STIL: variants seen among roughly 807,000 people sequenced by gnomAD.
The protein encoded by STIL is SCL-interrupting locus protein.
A neutral mutation model predicts 110.1 loss-of-function variants in STIL; 55 were observed. The observed-to-expected ratio is 0.50, with a 90% confidence interval of 0.40 to 0.63. The LOEUF (loss-of-function observed/expected upper bound fraction) is 0.63. Among genes scored for constraint, STIL ranks in the 20% least tolerant of loss-of-function variants. The probability of loss-of-function intolerance (pLI) is 0.00; values close to 1 mark genes in which losing one functional copy is unlikely to be tolerated. For synonymous variants in STIL, 481 were observed against 530.0 expected (o/e 0.91, Z 1.27); for missense variants, 1,358 against 1,530.0 (o/e 0.89, Z 1.87).
chr1:47,262,553 C>A lies in STIL; in HGVS notation c.2829+350G>T, dbSNP rs117924719. The stretch of plus-strand genomic sequence containing the variant: ...TTTAATAAACATTGGCTTACCTGAA[C>A]TAAAATCAGTAAATGTTATCATAAA... On this transcript the variant is annotated intron_variant, in intron 15 of 16. Coordinates refer to ENST00000371877, the MANE Select transcript of STIL (RefSeq NM_001048166.1). Among the ~76,000 whole-genome samples, 1,292 of 152,218 alleles carry A rather than the reference C, an allele frequency of 8.5e-3. 34 individuals carry two copies. The highest frequency in any genetic ancestry group is 0.074 in the East Asian group (385 of 5,176).
chr1:47,303,019 A>G (rs1296561977), intron 3 of STIL, among the ~76,000 whole-genome samples: 2 of 152,234 alleles, frequency 1.3e-5, no homozygotes, highest in South Asian at 2.1e-4. Flanking sequence ...AGTATGATTT[A>G]AATGCTTTAA....
chr1:47,264,419 T>C (rs1644576838), intron 14 of STIL, among the ~76,000 whole-genome samples: 1 of 152,036 alleles, frequency 6.6e-6, no homozygotes, highest in African/African-American at 2.4e-5. Flanking sequence ...TAAGATTAAA[T>C]AAAAAATTTT....
chr1:47,264,574 A>C (rs1462649747), intron 14 of STIL, among the ~76,000 whole-genome samples: 1 of 152,236 alleles, frequency 6.6e-6, no homozygotes, highest in Non-Finnish European at 1.5e-5. Flanking sequence ...TAACCAATGA[A>C]GCTGCAAGGC....
intron 14 of STIL, among the ~76,000 whole-genome samples, chr1:47,265,192 C>A (rs1644600949): frequency 7.6e-6 from 1 of 130,878 alleles, no homozygotes; most frequent in Admixed American, 9.0e-5. Context: ...ACCAAGATCA[C>A]ACCACTGCAC....
chr1:47,314,651 C>A (rs945005098), upstream of STIL, among the ~76,000 whole-genome samples: 1 of 151,742 alleles, frequency 6.6e-6, no homozygotes, highest in Non-Finnish European at 1.5e-5. Context: ...TTAATTTTTC[C>A]TTTTTGTGAT....
intron 2 of STIL, among the ~76,000 whole-genome samples, chr1:47,308,328 G>A (rs1646024442): frequency 6.6e-6 from 1 of 151,230 alleles, no homozygotes; most frequent in African/African-American, 2.4e-5. Flanking sequence ...CAAGGCAGCG[G>A]ACGCTTAGGA....
At chr1:47,300,247 T>C in intron 5 of STIL, 95 bp from the exon 6 acceptor site, 2 of 1,204,962 alleles carry the variant, frequency 1.7e-6, no homozygotes, top group East Asian at 2.6e-5. Flanking sequence ...ATATATAATA[T>C]CTTGCACAAA....
At chr1:47,266,007 A>T (rs1487000394) in intron 14 of STIL, among the ~76,000 whole-genome samples, 1 of 151,900 alleles carries the variant, frequency 6.6e-6, no homozygotes, top group African/African-American at 2.4e-5. Flanking sequence ...AGCACAAGCA[A>T]TCGGTTCACT....
At chr1:47,287,232 G>A (rs921512090) in intron 10 of STIL, among the ~76,000 whole-genome samples, 20 of 152,018 alleles carry the variant, frequency 1.3e-4, no homozygotes, top group African/African-American at 4.8e-4. Context: ...TTATAAGGAA[G>A]GGAAGAACAA....
At chr1:47,261,036 G>A (rs1306330731) in intron 15 of STIL, among the ~76,000 whole-genome samples, 1 of 152,116 alleles carries the variant, frequency 6.6e-6, no homozygotes, top group African/African-American at 2.4e-5. Flanking sequence ...ACATCCTAAT[G>A]AACAATTTCA....
rs567133801 is a variant in STIL, at chr1:47,264,648, G to C, written c.2616-1532C>G. 5.9e-5 allele frequency among the ~76,000 whole-genome samples: 9 copies of C among 152,236 alleles called. No individual in the cohort carries two copies. The East Asian group carries it at 1.7e-3, about 29-fold the overall frequency. ...AACACTGGTCCAACAAGACATCTAA[G>C]GGGGACTGGAAGCCCTGGAGTTGCG... On this transcript the variant is annotated intron_variant, in intron 14 of 16. Coordinates refer to ENST00000371877, the MANE Select transcript of STIL (RefSeq NM_001048166.1).
At position 47,301,832 on chromosome 1, in the gene STIL, C is replaced by G; in HGVS notation, c.266-84G>C. 3 of 1,284,754 alleles carry G rather than the reference C, an allele frequency of 2.3e-6. No individual in the cohort carries two copies. In the South Asian group the frequency reaches 3.7e-5, roughly 16 times the overall value. 79.6% of individuals were successfully genotyped at this position (1,284,754 alleles called of 1,614,324 possible). ...CAAGCAAGACTACATTATAGCAAAGCACTTTGTTCATACCAATAGTACACT... is the reference window on the plus strand; with the variant it reads ...CAAGCAAGACTACATTATAGCAAAGGACTTTGTTCATACCAATAGTACACT... On this transcript the variant is annotated intron_variant, in intron 4 of 16. Transcript: ENST00000371877.
In STIL at chr1:47,304,879, CAT is replaced by C; in HGVS notation, c.152+8_152+9del. 6.3e-7 allele frequency: 1 copy of C among 1,582,816 alleles called. No homozygotes were observed. Among genetic ancestry groups the C allele is most frequent in the Non-Finnish European group, 8.7e-7 (1 of 1,152,138 alleles). ...ACTGGCTTGATTTGAAAAAAAGAAA[CAT>C]GTTATACCTGTAGTAACTGAGATGT... is the stretch of plus-strand genomic sequence containing the variant. On this transcript the variant is annotated splice_region_variant and intron_variant, in intron 3 of 16. Coordinates refer to ENST00000371877, the MANE Select transcript of STIL (RefSeq NM_001048166.1).
At chr1:47,256,770 G>T (rs1456464086) in intron 16 of STIL, among the ~76,000 whole-genome samples, 1 of 152,034 alleles carries the variant, frequency 6.6e-6, no homozygotes, top group Non-Finnish European at 1.5e-5. Context: ...CGAGGCAGGT[G>T]GATCATCTGA....
intron 15 of STIL, 108 bp downstream of exon 15, chr1:47,262,795 T>C (rs917085790): frequency 1.0e-6 from 1 of 986,228 alleles, no homozygotes; most frequent in Non-Finnish European, 1.5e-6. Context: ...AGACAAAAAA[T>C]CTTTTTATCT....
At chr1:47,265,247 A>AAAAC (rs1644607622) in intron 14 of STIL, among the ~76,000 whole-genome samples, 1 of 150,458 alleles carries the variant, frequency 6.6e-6, no homozygotes, top group Non-Finnish European at 1.5e-5. Flanking sequence ...CAAAAAAAAA[A>AAAAC]AAAAAAAAAA....
chr1:47,310,327 G>A lies in STIL; in HGVS notation c.-8C>T, dbSNP rs1351595622. On this transcript the variant is annotated 5_prime_UTR_variant, in exon 2 of 17. Transcript: ENST00000371877. ...AGGATATATAGGCTCCATGATGTCTGGTGAATGATTTCTTTAATTCCAAAT... is the reference window on the plus strand; with the variant it reads ...AGGATATATAGGCTCCATGATGTCTAGTGAATGATTTCTTTAATTCCAAAT... 2 of 1,612,236 alleles carry A rather than the reference G, an allele frequency of 1.2e-6. No homozygotes were observed. Among genetic ancestry groups the A allele is most frequent in the Non-Finnish European group, 1.7e-6 (2 of 1,178,992 alleles).
At chr1:47,274,981 GTC>G (rs1319095987) in intron 12 of STIL, among the ~76,000 whole-genome samples, 1 of 151,792 alleles carries the variant, frequency 6.6e-6, no homozygotes. Flanking sequence ...GTAAAACCCT[GTC>G]TCTACTAAAA....
chr1:47,269,590 T>C (rs191497069), intron 14 of STIL, 45 bp downstream of exon 14: 1 of 1,490,066 alleles, frequency 6.7e-7, no homozygotes, highest in South Asian at 1.2e-5. Context: ...TCAAAAAAAA[T>C]TTTTTTTGAA....
Sources: allele counts gnomAD v4.1 joint callset (sites outside exome capture counted in the v4.1 genomes callset), GRCh38; gene constraint gnomAD v4.1.1; transcripts MANE v1.5; gene names NCBI Gene and HGNC (gene_info 2026-07-23, HGNC 2026-07-21).